RNF213: variants seen among roughly 807,000 people sequenced by gnomAD.
RNF213 encodes the protein ring finger protein 213, also known as E3 ubiquitin-protein ligase RNF213.
In RNF213, 341 loss-of-function variants were observed where a neutral mutation model predicts 514.4. That is an observed-to-expected ratio of 0.66 (90% CI 0.61 to 0.73). RNF213 has a LOEUF of 0.73. Among genes scored for constraint, RNF213 ranks in the 30% least tolerant of loss-of-function variants. RNF213 has a pLI of 0.00. For synonymous variants in RNF213, 2,655 were observed against 2,658.2 expected, an observed-to-expected ratio of 1.00 and a Z score of 0.04; for missense variants, 5,767 against 6,615.6, an observed-to-expected ratio of 0.87 and a Z score of 4.45.
rs776890665 is a variant in RNF213, at chr17:80,361,800, A to G, written c.11267A>G (p.His3756Arg). 1.2e-6 allele frequency: 2 copies of G among 1,614,032 alleles called. No homozygotes were observed. Among genetic ancestry groups the G allele is most frequent in the Non-Finnish European group, 8.5e-7 (1 of 1,179,918 alleles). ...TPLGRFLAQL[H>R]GEPQQELLQC... ...CTGGGCAGGTTTCTTGCCCAGCTCC[A>G]TGGAGAGCCGCAGCAGGAACTTCTT... is the stretch of plus-strand genomic sequence containing the variant. Residue 3756 changes from histidine (H) to arginine (R), a missense_variant, in exon 39 of 68, where the codon CAT becomes CGT. This residue lies in a region of RNF213 where 355 missense variants were observed against 358.0 expected (regional missense o/e 0.99). Coordinates refer to ENST00000582970, the MANE Select transcript of RNF213 (RefSeq NM_001256071.3).
Position 80,383,728 on chromosome 17 carries a change from C to G in RNF213, c.14122C>G (p.Arg4708Gly). 6.2e-7 allele frequency: 1 copy of G among 1,613,886 alleles called. No individual in the cohort carries two copies. The highest frequency in any genetic ancestry group is 8.5e-7 in the Non-Finnish European group (1 of 1,179,890). ...GAATAATCTCATCAGCCAAGATAAG[C>G]GTATCAGCTCTAACCCTGTGGCCAA... is the stretch of plus-strand genomic sequence containing the variant. ...TMNNLISQDK[R>G]ISSNPVAKII... The change falls in exon 59 of 68, where the codon CGT (arginine) becomes GGT (glycine). Residue 4708 changes from arginine to glycine, a missense_variant. This residue lies in a region of RNF213 where 1,245 missense variants were observed against 1,339.0 expected (regional missense o/e 0.93). Transcript: ENST00000582970.
At chr17:80,358,001 A>C (rs563710550) in intron 36 of RNF213, among the ~76,000 whole-genome samples, 83 of 152,332 alleles carry the variant, frequency 5.4e-4, no homozygotes, top group African/African-American at 1.9e-3. Context: ...TGTTTTAAAA[A>C]TAAAAAAGCA....
In RNF213 at chr17:80,281,883, TTCTC is replaced by T. The variant is rs556958074; in HGVS notation, c.262-5926_262-5923del. Among the ~76,000 whole-genome samples the T allele has an allele frequency of 3.7e-3, 557 of 152,164 alleles. 6 individuals are homozygous for T. Among genetic ancestry groups the T allele is most frequent in the African/African-American group, 0.013 (527 of 41,518 alleles). On this transcript the variant is annotated intron_variant, in intron 3 of 67. Coordinates refer to ENST00000582970, the MANE Select transcript of RNF213 (RefSeq NM_001256071.3). Reference sequence around the variant, plus strand: ...TATTTTTTTTATTTTTTGAGACGGATTCTCTCTCTTTTGCCCAGGCTGGAGTGCA... The same window carrying T: ...TATTTTTTTTATTTTTTGAGACGGATTCTCTTTTGCCCAGGCTGGAGTGCA...
rs1205127318 is a variant in RNF213, at chr17:80,369,435, CAA to C, written c.12156-66_12156-65del. On this transcript the variant is annotated intron_variant, in intron 44 of 67. Coordinates refer to ENST00000582970, the MANE Select transcript of RNF213 (RefSeq NM_001256071.3). ...AAAAAGTGAAATGCTGTGCAAATCT[CAA>C]GTCATTCTGTAAGGAGGCATTTGGG... The C allele has an allele frequency of 4.4e-6, 6 of 1,357,736 alleles. No individual in the cohort carries two copies. The African/African-American group carries it at 8.6e-5, about 19-fold the overall frequency. The allele number at this position is 1,357,736 out of a possible 1,614,324, so 84.1% of individuals were successfully genotyped here.
At chr17:80,305,327 C>T (rs989368024) in intron 11 of RNF213, among the ~76,000 whole-genome samples, 4 of 149,884 alleles carry the variant, frequency 2.7e-5, no homozygotes, top group Admixed American at 6.7e-5. Flanking sequence ...TACAGGTGTG[C>T]GCCACCACGC....
chr17:80,362,040 G>A (rs1319988589), intron 39 of RNF213, 152 bp downstream of exon 39: 44 of 838,300 alleles, frequency 5.2e-5, no homozygotes, highest in Non-Finnish European at 8.2e-5. Context: ...GTGGGTGAAG[G>A]GGTCGCCCAG....
chr17:80,285,172 G>T (rs2044427383), intron 3 of RNF213, among the ~76,000 whole-genome samples: 1 of 152,202 alleles, frequency 6.6e-6, no homozygotes, highest in Non-Finnish European at 1.5e-5. Context: ...AACTCTCCGT[G>T]TGCTTTGTCC....
chr17:80,382,885 T>C, intron 57 of RNF213, 94 bp from the exon 58 acceptor site: 1 of 780,478 alleles, frequency 1.3e-6, no homozygotes, highest in South Asian at 1.4e-5. Flanking sequence ...AAACGAGTGT[T>C]ATTTCTATTA....
Position 80,385,207 on chromosome 17 carries a change from G to A in RNF213, c.14455+36G>A, listed in dbSNP as rs75053281. ...GCTCTGACAGGACCAGGACTGTCCC[G>A]CATTTGGCGGTTCGAAAGGATCACT... On this transcript the variant is annotated intron_variant, in intron 60 of 67. Transcript: ENST00000582970. 158 of 1,613,290 alleles carry A rather than the reference G, an allele frequency of 9.8e-5. No individual in the cohort carries two copies. The African/African-American group carries it at 1.6e-3, about 17-fold the overall frequency.
chr17:80,298,480 ACT>A lies in RNF213; in HGVS notation c.2176_2177del (p.Ser726LeufsTer37), dbSNP rs2045045053. ...PEDTWAALEGLSFSPFREQML... is the reference protein window; with the variant it reads ...PEDTWAALEGXSFSPFREQML... ...AGGACACCTGGGCCGCTCTGGAGGG[ACT>A]CTCCTTCTCACCGTTCCGGGAACAA... is the stretch of plus-strand genomic sequence containing the variant. On this transcript the variant is annotated frameshift_variant, in exon 11 of 68. Coordinates refer to ENST00000582970, the MANE Select transcript of RNF213 (RefSeq NM_001256071.3). LOFTEE classifies it high-confidence loss of function. 4 of 1,613,504 alleles carry A rather than the reference ACT, an allele frequency of 2.5e-6. No individual in the cohort carries two copies. The South Asian group carries it at 4.4e-5, about 18-fold the overall frequency.
Position 80,345,758 on chromosome 17 carries a change from A to G in RNF213, c.7423A>G (p.Lys2475Glu). ...REAENVAFAN[K>E]DQHQLDTILF... is the part of the protein sequence containing the mutation. ...GGCTGAAAATGTGGCCTTCGCCAAT[A>G]AGGACCAACATCAGTTGGACACCAT... Residue 2475 changes from lysine to glutamate, a missense_variant, in exon 29 of 68, where the codon AAG becomes GAG. Around this residue, in one of 13 missense-constraint regions of RNF213, gnomAD observed 1,377 missense variants for 1,635.2 expected, o/e 0.84. Coordinates refer to ENST00000582970, the MANE Select transcript of RNF213 (RefSeq NM_001256071.3). The surrounding 1 kb of genome is among the most constrained non-coding windows in gnomAD (Gnocchi z 6.0). 1 of 1,614,216 alleles carries G rather than the reference A, an allele frequency of 6.2e-7. No homozygotes were observed. The highest frequency in any genetic ancestry group is 8.5e-7 in the Non-Finnish European group (1 of 1,180,044).
chr17:80,354,157 G>A lies in RNF213; in HGVS notation c.10717G>A (p.Ala3573Thr), dbSNP rs772698201. ...LLLGLLNEDD[A>T]CHASFLRVSK... ...CCTGGGCCTCTTGAATGAGGATGAC[G>A]CGTGCCACGGTATGAGCCTCCCCAC... Residue 3573 changes from alanine to threonine, a missense_variant, in exon 35 of 68, where the codon GCG becomes ACG. Transcript: ENST00000582970. 121 of 1,613,596 alleles carry A rather than the reference G, an allele frequency of 7.5e-5. No individual in the cohort carries two copies. The highest frequency in any genetic ancestry group is 9.7e-5 in the Non-Finnish European group (114 of 1,180,032).
chr17:80,374,344 C>T, intron 49 of RNF213, 114 bp from the exon 50 acceptor site: 1 of 1,403,940 alleles, frequency 7.1e-7, no homozygotes. Context: ...GGAATCCCAG[C>T]TTGGCTGCCT....
At chr17:80,367,634 A>C (rs2079330322) in intron 42 of RNF213, 114 bp from the exon 43 acceptor site, 2 of 773,074 alleles carry the variant, frequency 2.6e-6, no homozygotes, top group East Asian at 2.6e-5. Context: ...CGCACCCCAC[A>C]CCCCACACAC....
At chr17:80,357,290 A>T (rs1381781146) in intron 36 of RNF213, among the ~76,000 whole-genome samples, 1 of 152,162 alleles carries the variant, frequency 6.6e-6, no homozygotes, top group Non-Finnish European at 1.5e-5. Flanking sequence ...TATACAACAA[A>T]ATATATATAA....
At chr17:80,312,759 G>A (rs2045614874) in intron 14 of RNF213, among the ~76,000 whole-genome samples, 1 of 152,210 alleles carries the variant, frequency 6.6e-6, no homozygotes, top group Non-Finnish European at 1.5e-5. Flanking sequence ...GGGCTTTCGG[G>A]GGAGCACACA....
chr17:80,261,110 G>A (rs545284299), intron 1 of RNF213, among the ~76,000 whole-genome samples: 14 of 152,114 alleles, frequency 9.2e-5, no homozygotes, highest in African/African-American at 3.4e-4. Flanking sequence ...CTGTTCCCCG[G>A]CTGCGGGAGG....
In RNF213 at chr17:80,367,748, T is replaced by C. The variant is rs368747123; in HGVS notation, c.11872T>C (p.Cys3958Arg). ...VTEHVFLLDK[C>R]LRENSDVKTH... ...GACTCCTGTCCCTGCCTTTCTTCAGTGTCTTCGAGAGAACTCTGACGTGAA... is the reference window on the plus strand; with the variant it reads ...GACTCCTGTCCCTGCCTTTCTTCAGCGTCTTCGAGAGAACTCTGACGTGAA... The change falls in exon 43 of 68, where the codon TGT (cysteine) becomes CGT (arginine). Residue 3958 changes from cysteine to arginine, a missense_variant and splice_region_variant. Physicochemically the swap from Cys to Arg is radical, Grantham distance 180. Around this residue, in one of 13 missense-constraint regions of RNF213, gnomAD observed 355 missense variants for 358.0 expected, o/e 0.99. Transcript: ENST00000582970. The C allele has an allele frequency of 2.0e-5, 32 of 1,613,702 alleles. No individual in the cohort carries two copies. The highest frequency in any genetic ancestry group is 2.6e-5 in the Non-Finnish European group (31 of 1,179,628).
rs370461688 is a variant in RNF213, at chr17:80,291,608, C to T, written c.1272-20C>T. On this transcript the variant is annotated intron_variant, in intron 7 of 67. Coordinates refer to ENST00000582970, the MANE Select transcript of RNF213 (RefSeq NM_001256071.3). The stretch of plus-strand genomic sequence containing the variant: ...GGGGTAGGAATTTTGGATAGCCAAC[C>T]GTATCCTGTTCATTCACAGAGACTT... 11 of 1,613,166 alleles carry T rather than the reference C, an allele frequency of 6.8e-6. No individual in the cohort carries two copies. The highest frequency in any genetic ancestry group is 2.7e-5 in the African/African-American group (2 of 75,026).
Sources: allele counts gnomAD v4.1 joint callset (sites outside exome capture counted in the v4.1 genomes callset), GRCh38; gene constraint gnomAD v4.1.1; regional missense constraint gnomAD v4.1.1; non-coding constraint Gnocchi (gnomAD v3.1); transcripts MANE v1.5; gene names NCBI Gene and HGNC (gene_info 2026-07-23, HGNC 2026-07-21).